Variants in KDM4C observed in about 807,000 individuals in gnomAD.
KDM4C encodes the protein lysine demethylase 4C, also known as lysine-specific demethylase 4C.
A neutral mutation model predicts 129.3 loss-of-function variants in KDM4C; 81 were observed. The ratio of observed to expected loss-of-function variants is 0.63; its 90% CI spans 0.52 to 0.75. The LOEUF is 0.75. KDM4C is among the 30% of genes least tolerant of loss of function. The probability of loss-of-function intolerance (pLI) is 0.00; values close to 1 mark genes in which losing one functional copy is unlikely to be tolerated. For missense variants in KDM4C, 1,457 were observed against 1,304.0 expected (o/e 1.12, Z -1.81); for synonymous variants, 573 against 456.1 (o/e 1.26, Z -3.26).
intron 1 of KDM4C, among the ~76,000 whole-genome samples, chr9:6,745,765 A>G (rs988650489): frequency 6.6e-6 from 1 of 151,868 alleles, no homozygotes; most frequent in African/African-American, 2.4e-5. Context: ...CAGCCTCCCC[A>G]GTAGCTGGGA....
intron 12 of KDM4C, among the ~76,000 whole-genome samples, chr9:6,992,593 T>C (rs980682290): frequency 2.0e-5 from 3 of 152,216 alleles, no homozygotes; most frequent in African/African-American, 4.8e-5. Flanking sequence ...ATTTACATCA[T>C]TGGGAACTTG....
At chr9:7,166,276 G>A (rs925288486) in intron 20 of KDM4C, among the ~76,000 whole-genome samples, 2 of 152,334 alleles carry the variant, frequency 1.3e-5, no homozygotes, top group East Asian at 3.9e-4. Context: ...CTGATAAGGA[G>A]CAAGAGCTTA....
chr9:7,049,628 AG>A (rs1829874118), intron 17 of KDM4C, among the ~76,000 whole-genome samples: 1 of 152,130 alleles, frequency 6.6e-6, no homozygotes, highest in South Asian at 2.1e-4. Context: ...AGACACACAG[AG>A]AAATAAAGAA....
intron 15 of KDM4C, among the ~76,000 whole-genome samples, chr9:7,046,378 G>GT (rs770468373): frequency 2.0e-5 from 3 of 152,074 alleles, no homozygotes; most frequent in Non-Finnish European, 4.4e-5. Context: ...GGTGAAAAGA[G>GT]TATCGTTTAA....
At chr9:6,823,213 C>T (rs1833324203) in intron 4 of KDM4C, among the ~76,000 whole-genome samples, 1 of 152,226 alleles carries the variant, frequency 6.6e-6, no homozygotes, top group African/African-American at 2.4e-5. Flanking sequence ...CTCTCATCCT[C>T]ATCTCTATTC....
At chr9:6,777,481 A>G (rs1481850023) in intron 1 of KDM4C, among the ~76,000 whole-genome samples, 4 of 152,188 alleles carry the variant, frequency 2.6e-5, no homozygotes, top group Admixed American at 6.5e-5. Context: ...TAGAATGACA[A>G]TGTGATCTGC....
intron 1 of KDM4C, among the ~76,000 whole-genome samples, chr9:6,763,880 C>T (rs1333135624): frequency 6.6e-6 from 1 of 152,184 alleles, no homozygotes; most frequent in Non-Finnish European, 1.5e-5. Flanking sequence ...GCCTCAGCTT[C>T]CTGAGTAGCT....
At chr9:6,867,017 A>ATATTTTTTTTTTT (rs1265774550) in intron 5 of KDM4C, among the ~76,000 whole-genome samples, 3 of 83,784 alleles carry the variant, frequency 3.6e-5, no homozygotes, top group African/African-American at 9.0e-5. Context: ...ATATATATAT[A>ATATTTTTTTTTTT]TTTTTTTTTT....
In KDM4C at chr9:6,861,003, A is replaced by G. The variant is rs7028312; in HGVS notation, c.629+11303A>G. On this transcript the variant is annotated intron_variant, in intron 5 of 21. Coordinates refer to ENST00000381309, the MANE Select transcript of KDM4C (RefSeq NM_015061.6). ...GTTATTAAAAATGTATGTTTGCTTA[A>G]GTTATTGTAAAAGCATTTCCAGCAA... Among the ~76,000 whole-genome samples the G allele has an allele frequency of 4.4e-3, 674 of 152,294 alleles. 8 individuals are homozygous for G. Among genetic ancestry groups the G allele is most frequent in the African/African-American group, 0.016 (645 of 41,564 alleles).
At chr9:6,821,809 A>G (rs1258682364) in intron 4 of KDM4C, among the ~76,000 whole-genome samples, 1 of 151,912 alleles carries the variant, frequency 6.6e-6, no homozygotes, top group East Asian at 1.9e-4. Context: ...TAATTTTTGT[A>G]TTTTTAGCAG....
chr9:7,093,189 G>C (rs1227379527), intron 17 of KDM4C, among the ~76,000 whole-genome samples: 1 of 152,038 alleles, frequency 6.6e-6, no homozygotes, highest in East Asian at 1.9e-4. Flanking sequence ...CTCTGTTGTG[G>C]CCACCCCTCT....
intron 1 of KDM4C, among the ~76,000 whole-genome samples, chr9:6,747,791 C>G (rs919069277): frequency 6.6e-6 from 1 of 152,230 alleles, no homozygotes; most frequent in Non-Finnish European, 1.5e-5. Context: ...GCAGCCCGCT[C>G]TGATCTAGAA....
chr9:7,034,005 G>A (rs1360377723), intron 15 of KDM4C, among the ~76,000 whole-genome samples: 2 of 151,484 alleles, frequency 1.3e-5, no homozygotes, highest in Non-Finnish European at 2.9e-5. Flanking sequence ...AAGAAATCAT[G>A]TACTTTTTTT....
chr9:7,020,492 A>G (rs1205067993), intron 15 of KDM4C, among the ~76,000 whole-genome samples: 2 of 152,162 alleles, frequency 1.3e-5, no homozygotes, highest in Non-Finnish European at 2.9e-5. Flanking sequence ...TGGTCAATTT[A>G]TATAATTCTT....
At chr9:6,843,213 G>A (rs566168137) in intron 4 of KDM4C, among the ~76,000 whole-genome samples, 2 of 152,366 alleles carry the variant, frequency 1.3e-5, no homozygotes, top group East Asian at 3.9e-4. Context: ...ACAGGCATGA[G>A]CCACTGTGCC....
intron 19 of KDM4C, among the ~76,000 whole-genome samples, chr9:7,158,774 T>C (rs981581439): frequency 2.0e-5 from 3 of 152,232 alleles, no homozygotes; most frequent in Non-Finnish European, 4.4e-5. Flanking sequence ...TGTGGTCAAT[T>C]TTAGAATAAG....
rs150477172 is a variant in KDM4C at position 6,960,735 on chromosome 9, A to G, written c.922-20190A>G. On this transcript the variant is annotated intron_variant, in intron 8 of 21. Transcript: ENST00000381309. ...TGCCCACCCTTTGTAGGCAGTAAAC[A>G]GTCTCTTTCTCCAAGTTGCTTAGAC... 3.3e-3 allele frequency among the ~76,000 whole-genome samples: 504 copies of G among 152,320 alleles called. 2 individuals carry two copies. Among genetic ancestry groups the G allele is most frequent in the African/African-American group, 0.011 (469 of 41,560 alleles).
rs575941457 is a variant in KDM4C at position 7,172,944 on chromosome 9, G to C, written c.2995-1609G>C. Among the ~76,000 whole-genome samples, 27 of 152,332 alleles carry C rather than the reference G, an allele frequency of 1.8e-4. No individual in the cohort carries two copies. The East Asian group carries it at 5.0e-3, about 28-fold the overall frequency. On this transcript the variant is annotated intron_variant, in intron 21 of 21. Coordinates refer to ENST00000381309, the MANE Select transcript of KDM4C (RefSeq NM_015061.6). ...TTAGGAGGCAAGATAGTAGGGAATT[G>C]GGAAGCAAAAATAGTGCCTACCATA...
At chr9:6,818,871 G>A (rs2131191702) in intron 4 of KDM4C, 1 of 152,252 alleles carries the variant, frequency 6.6e-6, no homozygotes, top group South Asian at 2.1e-4. Context: ...CATAGTTGTG[G>A]AAATATGTAA....
Sources: gnomAD v4.1 joint callset for allele counts (sites outside exome capture counted in the v4.1 genomes callset) on GRCh38, gnomAD v4.1.1 for gene constraint, MANE v1.5 for transcripts, NCBI Gene and HGNC (gene_info 2026-07-23, HGNC 2026-07-21) for gene names.